CRMP1: variants seen among roughly 807,000 people sequenced by gnomAD.
The protein encoded by CRMP1 is dihydropyrimidinase-related protein 1.
In CRMP1, 19 loss-of-function variants were observed where a neutral mutation model predicts 68.3. The observed-to-expected ratio is 0.28, with a 90% CI of 0.19 to 0.41. The LOEUF is 0.41. Among genes scored for constraint, CRMP1 ranks in the 10% least tolerant of loss-of-function variants. CRMP1 has a pLI of 1.00. For missense variants in CRMP1, 791 were observed against 967.4 expected, an observed-to-expected ratio of 0.82 and a Z score of 2.42; for synonymous variants, 439 against 399.6, an observed-to-expected ratio of 1.10 and a Z score of -1.18.
intron 1 of CRMP1, chr4:5,887,557 G>A (rs1231723189): frequency 1.0e-6 from 1 of 985,160 alleles, no homozygotes; most frequent in Non-Finnish European, 1.2e-6. Flanking sequence ...CAGGGACGCA[G>A]CCCGGCTGTT....
At chr4:5,868,422 C>T (rs1714202024) in intron 1 of CRMP1, among the ~76,000 whole-genome samples, 1 of 151,566 alleles carries the variant, frequency 6.6e-6, no homozygotes, top group African/African-American at 2.4e-5. Flanking sequence ...CTGCCTCAGC[C>T]TCCTGAGTAG....
At chr4:5,822,980 G>A (rs992868299) in intron 13 of CRMP1, among the ~76,000 whole-genome samples, 9 of 152,114 alleles carry the variant, frequency 5.9e-5, no homozygotes, top group Non-Finnish European at 2.9e-5. Context: ...CCTACCCACT[G>A]TACCCTTTCA....
rs183483391 is a variant in CRMP1 at position 5,853,500 on chromosome 4, T to A, written c.821-2031A>T. Among the ~76,000 whole-genome samples, 1 of 152,216 alleles carries A rather than the reference T, an allele frequency of 6.6e-6. No homozygotes were observed. The highest frequency in any genetic ancestry group is 6.5e-5 in the Admixed American group (1 of 15,290). ...TGAGCACCGTTTGTGGGAATGTAAA[T>A]TAGCACAGCCACCTCTATGGGGAAC... On this transcript the variant is annotated intron_variant, in intron 4 of 13. Transcript: ENST00000324989. This position sits in a 1 kb window ranked among gnomAD's most constrained non-coding sequence, Gnocchi z 4.7.
At position 5,892,039 on chromosome 4, in the gene CRMP1, C is replaced by A. The variant is rs1000897395; in HGVS notation, c.381+550G>T. ...GAACTAAATCCTTAACCAAATCCTT[C>A]CCCCCAGCAAGCATGAGGGGAGCGC... On this transcript the variant is annotated intron_variant, in intron 1 of 13. Transcript: ENST00000324989. This position sits in a 1 kb window ranked among gnomAD's most constrained non-coding sequence, Gnocchi z 8.6. Among the ~76,000 whole-genome samples, 1 of 152,150 alleles carries A rather than the reference C, an allele frequency of 6.6e-6. No homozygotes were observed. The highest frequency in any genetic ancestry group is 6.5e-5 in the Admixed American group (1 of 15,282).
intron 11 of CRMP1, among the ~76,000 whole-genome samples, chr4:5,831,845 G>GA (rs1300580303): frequency 5.9e-5 from 9 of 152,164 alleles, no homozygotes; most frequent in African/African-American, 1.7e-4. Context: ...ACACCATGAT[G>GA]AAAAAACCTC....
chr4:5,856,169 T>C lies in CRMP1; in HGVS notation c.794A>G (p.Glu265Gly). ...ITSWYDGVRE[E>G]LEVLVQDKGV... is the part of the protein sequence containing the mutation. ...TTTGTCCTGCACCAGCACCTCCAGCTCCTCCCGAACGCCATCGTACCAGCT... is the reference window on the plus strand; with the variant it reads ...TTTGTCCTGCACCAGCACCTCCAGCCCCTCCCGAACGCCATCGTACCAGCT... Residue 265 changes from glutamate to glycine, a missense_variant, in exon 4 of 14, where the codon GAG becomes GGG. Coordinates refer to ENST00000324989, the MANE Select transcript of CRMP1 (RefSeq NM_001014809.3). 1 of 1,613,852 alleles carries C rather than the reference T, an allele frequency of 6.2e-7. No homozygotes were observed. The highest frequency in any genetic ancestry group is 1.1e-5 in the South Asian group (1 of 91,068).
intron 8 of CRMP1, among the ~76,000 whole-genome samples, chr4:5,840,295 C>T (rs539929159): frequency 9.2e-5 from 14 of 152,338 alleles, no homozygotes; most frequent in African/African-American, 3.4e-4. Context: ...ACTAACTTCC[C>T]AGAAGTTCCT....
rs1711872062 is a variant in CRMP1 at position 5,842,728 on chromosome 4, C to G, written c.1032+365G>C. On this transcript the variant is annotated intron_variant, in intron 7 of 13. Transcript: ENST00000324989. The surrounding 1 kb of genome is among the most constrained non-coding windows in gnomAD (Gnocchi z 4.5). ...CAGTCCAGGGGAAGTCATCCTTTTT[C>G]AAGGCTTGGGAACAGGGCAGGCAGT... Among the ~76,000 whole-genome samples the G allele has an allele frequency of 6.6e-6, 1 of 152,060 alleles. No homozygotes were observed. The highest frequency in any genetic ancestry group is 1.5e-5 in the Non-Finnish European group (1 of 68,006).
intron 6 of CRMP1, among the ~76,000 whole-genome samples, chr4:5,845,411 C>T (rs1001048226): frequency 5.9e-5 from 9 of 152,230 alleles, no homozygotes; most frequent in East Asian, 5.8e-4. Flanking sequence ...TGCAAGGAAC[C>T]GAGGGAGGCC....
Position 5,893,038 on chromosome 4 carries a change from C to T in CRMP1, c.-69G>A. 2.0e-6 allele frequency: 2 copies of T among 1,014,098 alleles called. No homozygotes were observed. Among genetic ancestry groups the T allele is most frequent in the African/African-American group, 1.7e-5 (1 of 57,650 alleles). 62.8% of individuals were successfully genotyped at this position (1,014,098 alleles called of 1,614,324 possible). ...CCGCGGCCCTGGGCACCGCCGTGCGCCGCGCTCCGCGCCTCGGTGCGGGCC... is the reference window on the plus strand; with the variant it reads ...CCGCGGCCCTGGGCACCGCCGTGCGTCGCGCTCCGCGCCTCGGTGCGGGCC... On this transcript the variant is annotated 5_prime_UTR_variant, in exon 1 of 14. Coordinates refer to ENST00000324989, the MANE Select transcript of CRMP1 (RefSeq NM_001014809.3).
At chr4:5,837,372 G>A (rs1720788275) in intron 9 of CRMP1, among the ~76,000 whole-genome samples, 1 of 151,442 alleles carries the variant, frequency 6.6e-6, no homozygotes, top group African/African-American at 2.4e-5. Context: ...GCTCACACCT[G>A]TAATCCCAGC....
chr4:5,872,021 C>T lies in CRMP1; in HGVS notation c.382-5265G>A, dbSNP rs1319002420. On this transcript the variant is annotated intron_variant, in intron 1 of 13. Transcript: ENST00000324989. The surrounding 1 kb of genome is among the most constrained non-coding windows in gnomAD (Gnocchi z 4.6). ...AACCAGTAAGGATGCAGGCTAGAGCCAAGGGTTCCTAATGGCCTGTCCAGC... is the reference window on the plus strand; with the variant it reads ...AACCAGTAAGGATGCAGGCTAGAGCTAAGGGTTCCTAATGGCCTGTCCAGC... 6.6e-6 allele frequency among the ~76,000 whole-genome samples: 1 copy of T among 152,152 alleles called. No individual in the cohort carries two copies. Among genetic ancestry groups the T allele is most frequent in the Non-Finnish European group, 1.5e-5 (1 of 68,036 alleles).
At position 5,888,160 on chromosome 4, in the gene CRMP1, A is replaced by C; in HGVS notation, c.381+4429T>G. On this transcript the variant is annotated intron_variant, in intron 1 of 13. Transcript: ENST00000324989. This position sits in a 1 kb window ranked among gnomAD's most constrained non-coding sequence, Gnocchi z 6.4. The stretch of plus-strand genomic sequence containing the variant: ...CCCTGCCGGCGCCCCGTGGATCTGG[A>C]CCCTGCCGGGCGCCCACTCCCAGCC... The C allele has an allele frequency of 8.1e-7, 1 of 1,231,178 alleles. No homozygotes were observed. The allele number at this position is 1,231,178 out of a possible 1,614,324, so 76.3% of individuals were successfully genotyped here.
Position 5,861,356 on chromosome 4 carries a change from C to G in CRMP1, c.471-146G>C. 6.5e-6 allele frequency: 5 copies of G among 767,274 alleles called. No individual in the cohort carries two copies. Among genetic ancestry groups the G allele is most frequent in the Non-Finnish European group, 1.0e-5 (5 of 477,868 alleles). 47.5% of individuals were successfully genotyped at this position (767,274 alleles called of 1,614,324 possible). A position where few individuals can be genotyped will look rare whatever the true frequency, so the allele number is the denominator to read the frequency against. On this transcript the variant is annotated intron_variant, in intron 2 of 13. Coordinates refer to ENST00000324989, the MANE Select transcript of CRMP1 (RefSeq NM_001014809.3). This position sits in a 1 kb window ranked among gnomAD's most constrained non-coding sequence, Gnocchi z 6.0. ...GGAGACAGAGATAACTCAGGCAGGG[C>G]ACATGCCCTCAAGGGGCTCATAGTC... is the stretch of plus-strand genomic sequence containing the variant.
At chr4:5,887,850 A>C (rs1715706682) in intron 1 of CRMP1, 8 of 997,896 alleles carry the variant, frequency 8.0e-6, no homozygotes, top group Non-Finnish European at 9.6e-6. Context: ...AAGGAGGCTC[A>C]GCTCACCCTC....
Position 5,853,987 on chromosome 4 carries a change from C to T in CRMP1, c.820+2156G>A, listed in dbSNP as rs1057229992. Among the ~76,000 whole-genome samples the T allele has an allele frequency of 1.3e-5, 2 of 151,122 alleles. No individual in the cohort carries two copies. Among genetic ancestry groups the T allele is most frequent in the Non-Finnish European group, 2.9e-5 (2 of 68,036 alleles). On this transcript the variant is annotated intron_variant, in intron 4 of 13. Transcript: ENST00000324989. The surrounding 1 kb of genome is among the most constrained non-coding windows in gnomAD (Gnocchi z 4.7). The stretch of plus-strand genomic sequence containing the variant: ...CCAGATGCGCACAGCACAGGGCTCC[C>T]TGGATGCCTGCAGGCAGCACAGACC...
In CRMP1 at chr4:5,859,679, G is replaced by C. The variant is rs2152467413; in HGVS notation, c.655+1347C>G. 6.6e-6 allele frequency among the ~76,000 whole-genome samples: 1 copy of C among 152,274 alleles called. No individual in the cohort carries two copies. Among genetic ancestry groups the C allele is most frequent in the East Asian group, 1.9e-4 (1 of 5,142 alleles). On this transcript the variant is annotated intron_variant, in intron 3 of 13. Coordinates refer to ENST00000324989, the MANE Select transcript of CRMP1 (RefSeq NM_001014809.3). The surrounding 1 kb of genome is among the most constrained non-coding windows in gnomAD (Gnocchi z 5.2). ...CCACTGGGATCCAAGTCCAAGTCTA[G>C]ATCCTCCCATTTCCCATCCAGCAGA...
chr4:5,839,733 T>A, intron 8 of CRMP1, 55 bp from the exon 9 acceptor site: 1 of 1,533,296 alleles, frequency 6.5e-7, no homozygotes, highest in Non-Finnish European at 8.8e-7. Context: ...TTGAGGCAGA[T>A]GTCAAAGGCA....
chr4:5,852,115 CA>C (rs1712703384), intron 4 of CRMP1, among the ~76,000 whole-genome samples: 4 of 152,192 alleles, frequency 2.6e-5, no homozygotes, highest in Non-Finnish European at 5.9e-5. Context: ...ATTAGTCATG[CA>C]GCTTCTAGAA....
Sources: gnomAD v4.1 joint callset for allele counts (sites outside exome capture counted in the v4.1 genomes callset) on GRCh38, gnomAD v4.1.1 for gene constraint, Gnocchi (gnomAD v3.1) non-coding constraint, MANE v1.5 for transcripts, NCBI Gene and HGNC (gene_info 2026-07-23, HGNC 2026-07-21) for gene names.